ZNF608: variants seen among roughly 807,000 people sequenced by gnomAD.
The protein encoded by ZNF608 is renal carcinoma antigen NY-REN-36.
A neutral mutation model predicts 109.0 loss-of-function variants in ZNF608; 12 were observed. The observed-to-expected ratio is 0.11, with a 90% CI of 0.07 to 0.18. The LOEUF is 0.18. Ranked by LOEUF, ZNF608 falls within the 10% of genes least tolerant of loss-of-function variation. ZNF608 has a pLI of 1.00. For missense variants in ZNF608, 1,707 were observed against 1,879.3 expected (o/e 0.91, Z 1.70); for synonymous variants, 732 against 717.4 (o/e 1.02, Z -0.33).
intron 2 of ZNF608, among the ~76,000 whole-genome samples, chr5:124,741,136 G>C (rs1749376923): frequency 6.6e-6 from 1 of 152,090 alleles, no homozygotes; most frequent in African/African-American, 2.4e-5. Context: ...AAACATCTTA[G>C]AATTATGGCA....
At chr5:124,735,011 G>GT (rs1214680529) in intron 2 of ZNF608, 1 of 152,086 alleles carries the variant, frequency 6.6e-6, no homozygotes, top group East Asian at 1.9e-4. Context: ...GCTTTGTTTT[G>GT]TTTTAATGTA....
intron 2 of ZNF608, among the ~76,000 whole-genome samples, chr5:124,703,796 A>G (rs1753150630): frequency 1.3e-5 from 2 of 152,048 alleles, no homozygotes; most frequent in South Asian, 4.1e-4. Flanking sequence ...GCAACAACAA[A>G]TGCACTTTTC....
chr5:124,748,236 G>A (rs1010115246), upstream of ZNF608, among the ~76,000 whole-genome samples: 11 of 152,184 alleles, frequency 7.2e-5, no homozygotes, highest in Non-Finnish European at 2.9e-5. Context: ...GTGAGCTAGA[G>A]AATTGACACT....
chr5:124,678,858 A>G (rs1038812422), intron 3 of ZNF608, among the ~76,000 whole-genome samples: 2 of 152,096 alleles, frequency 1.3e-5, no homozygotes, highest in Non-Finnish European at 2.9e-5. Flanking sequence ...CCAAGAGTAC[A>G]CCATTAAGTC....
chr5:124,648,504 G>T lies in ZNF608; in HGVS notation c.1880C>A (p.Ser627Tyr). ...SAYDQLKAPASPGAGNPPGTP... is the reference protein window; with the variant it reads ...SAYDQLKAPAYPGAGNPPGTP... ...CCCAGGTGGGTTTCCAGCACCAGGGGATGCCGGTGCCTTCAACTGGTCATA... is the reference window on the plus strand; with the variant it reads ...CCCAGGTGGGTTTCCAGCACCAGGGTATGCCGGTGCCTTCAACTGGTCATA... Residue 627 changes from serine to tyrosine, a missense_variant, in exon 5 of 10, where the codon TCC becomes TAC. Physicochemically the swap from Ser to Tyr is moderately radical, Grantham distance 144 (BLOSUM62 -2). Around this residue, in one of 7 missense-constraint regions of ZNF608, gnomAD observed 1,073 missense variants for 1,133.5 expected, o/e 0.95. Coordinates refer to ENST00000513986, the MANE Select transcript of ZNF608 (RefSeq NM_020747.3). 6.2e-7 allele frequency: 1 copy of T among 1,614,190 alleles called. No homozygotes were observed. The highest frequency in any genetic ancestry group is 8.5e-7 in the Non-Finnish European group (1 of 1,180,026).
intron 2 of ZNF608, among the ~76,000 whole-genome samples, chr5:124,732,494 C>T (rs1748953256): frequency 6.6e-6 from 1 of 151,554 alleles, no homozygotes; most frequent in South Asian, 2.1e-4. Context: ...TGGACAAATG[C>T]CATGATTTCT....
intron 2 of ZNF608, among the ~76,000 whole-genome samples, chr5:124,707,173 G>A (rs1004786435): frequency 5.3e-5 from 8 of 152,174 alleles, no homozygotes; most frequent in African/African-American, 1.9e-4. Flanking sequence ...GATGCTTTCA[G>A]TACCAGGAAA....
intron 3 of ZNF608, among the ~76,000 whole-genome samples, chr5:124,699,320 G>A (rs1752960275): frequency 6.6e-6 from 1 of 152,188 alleles, no homozygotes; most frequent in African/African-American, 2.4e-5. Context: ...CCTTGTACTG[G>A]AGGGTGGCTG....
intron 3 of ZNF608, chr5:124,666,310 T>G (rs1236435656): frequency 6.6e-6 from 1 of 152,260 alleles, no homozygotes; most frequent in Non-Finnish European, 1.5e-5. Flanking sequence ...GTTGTGATCC[T>G]TGTTGGTACA....
chr5:124,647,123 G>A lies in ZNF608; in HGVS notation c.3261C>T (p.Leu1087=), dbSNP rs747719675. Residue 1087 remains leucine, a synonymous_variant, in exon 5 of 10, where the codon CTC becomes CTT. Coordinates refer to ENST00000513986, the MANE Select transcript of ZNF608 (RefSeq NM_020747.3). ...SLYYGQYAYG[L]YMDQKSLMAT... Reference sequence around the variant, plus strand: ...CCATCAGAGACTTCTGGTCCATATAGAGCCCATATGCATACTGGCCATAAT... The same window carrying A: ...CCATCAGAGACTTCTGGTCCATATAAAGCCCATATGCATACTGGCCATAAT... 6.2e-7 allele frequency: 1 copy of A among 1,614,162 alleles called. No individual in the cohort carries two copies. The highest frequency in any genetic ancestry group is 8.5e-7 in the Non-Finnish European group (1 of 1,180,040).
chr5:124,664,137 C>A (rs1168760405), intron 3 of ZNF608, among the ~76,000 whole-genome samples: 3 of 152,042 alleles, frequency 2.0e-5, no homozygotes, highest in African/African-American at 7.2e-5. Flanking sequence ...ATATAATGAA[C>A]TTTCTTGAGT....
rs1301018204 is a variant in ZNF608 at position 124,646,973 on chromosome 5, C to T, written c.3411G>A (p.Glu1137=). ...TCTGTTTAGTTTCCTCCTTGCCCAG[C>T]TCTTTCAAGGGGAGCTCACTTTTCC... ...CERKSELPLK[E]LGKEETKQKN... Residue 1137 remains glutamate, a synonymous_variant, in exon 5 of 10, where the codon GAG becomes GAA. Coordinates refer to ENST00000513986, the MANE Select transcript of ZNF608 (RefSeq NM_020747.3). The T allele has an allele frequency of 2.5e-6, 4 of 1,614,108 alleles. No individual in the cohort carries two copies. The East Asian group carries it at 6.7e-5, about 27-fold the overall frequency.
At chr5:124,653,505 G>C (rs1190726205) in intron 3 of ZNF608, among the ~76,000 whole-genome samples, 1 of 152,218 alleles carries the variant, frequency 6.6e-6, no homozygotes, top group East Asian at 1.9e-4. Flanking sequence ...TCAAGAGTCT[G>C]TGCATGAAAA....
upstream of ZNF608, among the ~76,000 whole-genome samples, chr5:124,747,587 A>G (rs952496166): frequency 6.6e-6 from 1 of 150,730 alleles, no homozygotes; most frequent in East Asian, 1.9e-4. Context: ...AAAAAAAAAA[A>G]GCTGAAAGTC....
chr5:124,648,953 G>A lies in ZNF608; in HGVS notation c.1431C>T (p.Ser477=), dbSNP rs142147891. The A allele has an allele frequency of 6.2e-6, 10 of 1,613,998 alleles. No individual in the cohort carries two copies. The highest frequency in any genetic ancestry group is 2.2e-5 in the South Asian group (2 of 91,036). The change falls in exon 5 of 10, where the codon AGC becomes AGT. Residue 477 remains serine, a synonymous_variant. Transcript: ENST00000513986. ...GKGRRGSLNA[S]GRRTPPNCAA... ...CACAATTTGGGGGTGTCCTTCGTCC[G>A]CTGGCATTGAGGCTGCCCCGCCTCC...
At chr5:124,652,266 C>G (rs1750822626) in intron 3 of ZNF608, among the ~76,000 whole-genome samples, 1 of 152,162 alleles carries the variant, frequency 6.6e-6, no homozygotes, top group Non-Finnish European at 1.5e-5. Flanking sequence ...ACAAGTGATG[C>G]CGTTGTTATT....
intron 2 of ZNF608, among the ~76,000 whole-genome samples, chr5:124,729,396 T>C (rs1248410827): frequency 1.3e-5 from 2 of 152,202 alleles, no homozygotes; most frequent in Non-Finnish European, 1.5e-5. Context: ...TACCTAACAA[T>C]GCCCCTAAAC....
intron 3 of ZNF608, among the ~76,000 whole-genome samples, chr5:124,684,624 A>C (rs1368742363): frequency 1.3e-5 from 2 of 152,226 alleles, no homozygotes; most frequent in African/African-American, 4.8e-5. Flanking sequence ...GAACTTCGTT[A>C]GGTCATCATA....
At chr5:124,694,814 T>G (rs11241763) in intron 3 of ZNF608, among the ~76,000 whole-genome samples, 1 of 149,702 alleles carries the variant, frequency 6.7e-6, no homozygotes, top group South Asian at 2.1e-4. Flanking sequence ...AGTGAGAACA[T>G]GCGGTGTTTG....
Sources: allele counts gnomAD v4.1 joint callset (sites outside exome capture counted in the v4.1 genomes callset), GRCh38; gene constraint gnomAD v4.1.1; regional missense constraint gnomAD v4.1.1; transcripts MANE v1.5; gene names NCBI Gene and HGNC (gene_info 2026-07-23, HGNC 2026-07-21).